Variants in RASA1 observed in about 807,000 individuals in gnomAD.
RASA1 encodes ras GTPase-activating protein 1.
A neutral mutation model predicts 132.2 loss-of-function variants in RASA1; 25 were observed. The observed-to-expected ratio is 0.19, with a 90% CI of 0.14 to 0.26. RASA1 has a LOEUF of 0.26. Among genes scored for constraint, RASA1 ranks in the 10% least tolerant of loss-of-function variants. RASA1 has a pLI of 1.00. For missense variants in RASA1, 964 were observed against 1,299.2 expected (o/e 0.74, Z 3.97); for synonymous variants, 477 against 449.9 (o/e 1.06, Z -0.76).
intron 1 of RASA1, among the ~76,000 whole-genome samples, chr5:87,321,176 A>G (rs1011054786): frequency 6.6e-6 from 1 of 152,206 alleles, no homozygotes; most frequent in Non-Finnish European, 1.5e-5. Flanking sequence ...GGTGCAGTAT[A>G]CAAGTTGGCA....
At chr5:87,360,872 T>G (rs1355825666) in intron 9 of RASA1, among the ~76,000 whole-genome samples, 2 of 152,234 alleles carry the variant, frequency 1.3e-5, no homozygotes, top group East Asian at 3.8e-4. Flanking sequence ...AACATCTTCC[T>G]GGATCAGTTT....
chr5:87,383,047 G>A (rs1761831728), intron 20 of RASA1, among the ~76,000 whole-genome samples: 1 of 152,112 alleles, frequency 6.6e-6, no homozygotes, highest in East Asian at 1.9e-4. Flanking sequence ...AGCTGTGATT[G>A]TGGGCCACTG....
At chr5:87,339,140 G>A (rs1220336662) in intron 5 of RASA1, among the ~76,000 whole-genome samples, 1 of 152,106 alleles carries the variant, frequency 6.6e-6, no homozygotes, top group African/African-American at 2.4e-5. Context: ...ATATTCTGAA[G>A]AGTATTGCTC....
At chr5:87,269,883 A>C (rs1005706272) in intron 1 of RASA1, among the ~76,000 whole-genome samples, 2 of 152,178 alleles carry the variant, frequency 1.3e-5, no homozygotes, top group Non-Finnish European at 2.9e-5. Context: ...AAATGTTGAG[A>C]TGGGAAGTGT....
intron 6 of RASA1, among the ~76,000 whole-genome samples, chr5:87,342,449 G>C (rs1434912991): frequency 6.6e-6 from 1 of 152,174 alleles, no homozygotes; most frequent in Non-Finnish European, 1.5e-5. Context: ...ATGAGCCACT[G>C]TGCCCAGCTA....
chr5:87,347,219 C>T lies in RASA1; in HGVS notation c.1102+495C>T, dbSNP rs115689658. 7.3e-3 allele frequency among the ~76,000 whole-genome samples: 1,107 copies of T among 152,022 alleles called. 11 individuals are homozygous for T. Among genetic ancestry groups the T allele is most frequent in the Middle Eastern group, 0.031 (9 of 292 alleles). On this transcript the variant is annotated intron_variant, in intron 7 of 24. Coordinates refer to ENST00000274376, the MANE Select transcript of RASA1 (RefSeq NM_002890.3). The stretch of plus-strand genomic sequence containing the variant: ...ATATTGTATTGTTTTTATTCTTTTG[C>T]TGTTCAGCTACAGCAGACATTCTTG...
intron 12 of RASA1, among the ~76,000 whole-genome samples, chr5:87,370,841 A>G (rs1760882226): frequency 6.6e-6 from 1 of 152,164 alleles, no homozygotes. Context: ...AGATGCTCTT[A>G]AAACTAGATC....
At chr5:87,355,493 A>G (rs1448823088) in intron 9 of RASA1, among the ~76,000 whole-genome samples, 1 of 152,202 alleles carries the variant, frequency 6.6e-6, no homozygotes, top group Non-Finnish European at 1.5e-5. Flanking sequence ...GCTCAGAACA[A>G]ACAATTCCTT....
chr5:87,366,546 T>A (rs937695642), intron 11 of RASA1: 1 of 191,170 alleles, frequency 5.2e-6, no homozygotes, highest in Non-Finnish European at 1.2e-5. Context: ...GCAATAAATA[T>A]ACATTTACCA....
At chr5:87,389,842 T>G (rs1464462176) in intron 24 of RASA1, among the ~76,000 whole-genome samples, 2 of 152,178 alleles carry the variant, frequency 1.3e-5, no homozygotes, top group Non-Finnish European at 2.9e-5. Flanking sequence ...TTTTTTTTTC[T>G]TTCAGTTTCT....
intron 1 of RASA1, among the ~76,000 whole-genome samples, chr5:87,287,824 C>CACACCATATATATACCATATAT (rs1173065567): frequency 7.6e-3 from 273 of 36,004 alleles, no homozygotes; most frequent in South Asian, 0.013. Context: ...ACCATATATA[C>CACACCATATATATACCATATAT]ACACACCATA....
At chr5:87,338,498 A>ATT (rs1417227027) in intron 5 of RASA1, among the ~76,000 whole-genome samples, 4 of 50,156 alleles carry the variant, frequency 8.0e-5, no homozygotes, top group Admixed American at 2.4e-4. Context: ...TGCCCAGCTA[A>ATT]TTTTATATAT....
intron 6 of RASA1, 80 bp from the exon 7 acceptor site, chr5:87,346,592 T>G (rs1182338563): frequency 1.2e-6 from 1 of 816,782 alleles, no homozygotes; most frequent in East Asian, 2.7e-5. Context: ...TTAAACTTAC[T>G]ATATTGGTTG....
chr5:87,338,971 T>C (rs1758243462), intron 5 of RASA1, among the ~76,000 whole-genome samples: 1 of 152,178 alleles, frequency 6.6e-6, no homozygotes, highest in South Asian at 2.1e-4. Context: ...TGAATGGCTT[T>C]TATATTTCAG....
intron 1 of RASA1, among the ~76,000 whole-genome samples, chr5:87,312,997 A>G (rs1756033473): frequency 6.6e-6 from 1 of 152,148 alleles, no homozygotes; most frequent in Non-Finnish European, 1.5e-5. Context: ...ATTGAGGGAG[A>G]AAGAGTTCCC....
At chr5:87,295,606 G>T (rs1247665643) in intron 1 of RASA1, among the ~76,000 whole-genome samples, 1 of 151,944 alleles carries the variant, frequency 6.6e-6, no homozygotes, top group Non-Finnish European at 1.5e-5. Context: ...CCTGGCTCAA[G>T]TGATCCTCCC....
chr5:87,344,093 A>T (rs183093251), intron 6 of RASA1, among the ~76,000 whole-genome samples: 3 of 152,310 alleles, frequency 2.0e-5, no homozygotes, highest in Admixed American at 2.0e-4. Context: ...GGGGGATACA[A>T]TATGGCTGAT....
At position 87,331,265 on chromosome 5, in the gene RASA1, C is replaced by G. The variant is rs189863959; in HGVS notation, c.540-83C>G. On this transcript the variant is annotated intron_variant, in intron 1 of 24. Coordinates refer to ENST00000274376, the MANE Select transcript of RASA1 (RefSeq NM_002890.3). ...TAAGTTACATGTAGGCATTTAAAAC[C>G]TCTAGTAGTATGTTTTTCAAGTGTC... The G allele has an allele frequency of 4.9e-4, 675 of 1,371,666 alleles. 2 individuals carry two copies. Among genetic ancestry groups the G allele is most frequent in the Non-Finnish European group, 6.9e-4 (662 of 961,488 alleles). 85.0% of individuals were successfully genotyped at this position (1,371,666 alleles called of 1,614,324 possible).
Position 87,372,120 on chromosome 5 carries a change from T to G in RASA1, c.1701T>G (p.Asp567Glu). 6.2e-7 allele frequency: 1 copy of G among 1,613,110 alleles called. No individual in the cohort carries two copies. The part of the protein sequence containing the change: ...FAGETPEQAE[D>E]WMKGLQAFCN... ...TGAAGTGCTGTTTTTCTTTGCAGGA[T>G]TGGATGAAAGGTCTGCAGGCATTTT... is the stretch of plus-strand genomic sequence containing the variant. The change falls in exon 13 of 25, where the codon GAT becomes GAG. Residue 567 changes from aspartate (D) to glutamate (E), a missense_variant and splice_region_variant. Physicochemically the swap from Asp to Glu is conservative, Grantham distance 45 (BLOSUM62 2). Transcript: ENST00000274376.
Sources: allele counts gnomAD v4.1 joint callset (sites outside exome capture counted in the v4.1 genomes callset), GRCh38; gene constraint gnomAD v4.1.1; transcripts MANE v1.5; gene names NCBI Gene and HGNC (gene_info 2026-07-23, HGNC 2026-07-21).